RBFOX1: variants seen among roughly 807,000 people sequenced by gnomAD.
RBFOX1 encodes RNA binding fox-1 homolog 1.
Under a neutral mutation model 57.7 loss-of-function variants are expected in RBFOX1, and 8 were observed. The observed-to-expected ratio is 0.14, with a 90% CI of 0.08 to 0.25. The LOEUF (loss-of-function observed/expected upper bound fraction) is 0.25. Ranked by LOEUF, RBFOX1 falls within the 10% of genes least tolerant of loss-of-function variation. The pLI, the probability that RBFOX1 is intolerant of heterozygous loss-of-function variation, is 1.00. For missense variants in RBFOX1, 611 were observed against 548.5 expected, an observed-to-expected ratio of 1.11 and a Z score of -1.14; for synonymous variants, 326 against 222.4, an observed-to-expected ratio of 1.47 and a Z score of -4.15.
chr16:7,255,786 A>G (rs1483531528), intron 4 of RBFOX1, among the ~76,000 whole-genome samples: 1 of 152,208 alleles, frequency 6.6e-6, no homozygotes, highest in Non-Finnish European at 1.5e-5. Flanking sequence ...TTAACAATAT[A>G]TTTTACATTT....
chr16:6,250,643 G>T (rs1013724685), intron 1 of RBFOX1, among the ~76,000 whole-genome samples: 23 of 152,140 alleles, frequency 1.5e-4, no homozygotes, highest in African/African-American at 5.5e-4. Flanking sequence ...GGTCATCCCT[G>T]TTTAGATTGG....
chr16:6,780,874 C>T (rs1272854586), intron 3 of RBFOX1, among the ~76,000 whole-genome samples: 1 of 151,936 alleles, frequency 6.6e-6, no homozygotes, highest in Non-Finnish European at 1.5e-5. Context: ...GTTTGAGCTC[C>T]TCACATGTTC....
intron 3 of RBFOX1, among the ~76,000 whole-genome samples, chr16:6,791,740 GA>G (rs1254986537): frequency 1.3e-5 from 2 of 152,184 alleles, no homozygotes; most frequent in Non-Finnish European, 2.9e-5. Flanking sequence ...CAGCCTGGGG[GA>G]AAGAGTGAGA....
intron 1 of RBFOX1, among the ~76,000 whole-genome samples, chr16:5,249,592 G>A (rs1033305884): frequency 6.6e-6 from 1 of 152,226 alleles, no homozygotes; most frequent in Non-Finnish European, 1.5e-5. Flanking sequence ...AGCTGAGAGG[G>A]TCTATGTGGT....
chr16:7,629,767 G>A (rs901241989), intron 10 of RBFOX1, among the ~76,000 whole-genome samples: 3 of 152,202 alleles, frequency 2.0e-5, no homozygotes, highest in Non-Finnish European at 4.4e-5. Flanking sequence ...TTGCAAGGAT[G>A]AACCCAGTGC....
At chr16:5,689,487 A>G (rs1473265254) in intron 3 of RBFOX1, among the ~76,000 whole-genome samples, 1 of 152,172 alleles carries the variant, frequency 6.6e-6, no homozygotes, top group Non-Finnish European at 1.5e-5. Context: ...GTGGAATCCT[A>G]AAGAAAGATT....
At chr16:6,483,821 T>C in intron 2 of RBFOX1, 1 of 1,345,886 alleles carries the variant, frequency 7.4e-7, no homozygotes, top group Non-Finnish European at 9.6e-7. Flanking sequence ...GGGCTGCTGA[T>C]TAGAATAGGG....
chr16:7,023,374 T>G (rs1318013345), intron 3 of RBFOX1, among the ~76,000 whole-genome samples: 3 of 150,834 alleles, frequency 2.0e-5, no homozygotes, highest in African/African-American at 7.3e-5. Context: ...ACAGGAGAAT[T>G]GCTTGAACCC....
chr16:7,162,991 C>T (rs1343283607), intron 4 of RBFOX1, among the ~76,000 whole-genome samples: 3 of 152,136 alleles, frequency 2.0e-5, no homozygotes, highest in Admixed American at 2.0e-4. Flanking sequence ...CTCCACGATC[C>T]TGTTACATTG....
chr16:7,692,506 G>A (rs575663071), intron 14 of RBFOX1, among the ~76,000 whole-genome samples: 12 of 152,166 alleles, frequency 7.9e-5, no homozygotes, highest in Admixed American at 3.9e-4. Flanking sequence ...AAATCTAACC[G>A]ATGAAAACCC....
intron 3 of RBFOX1, among the ~76,000 whole-genome samples, chr16:6,815,032 C>G (rs533818184): frequency 3.3e-5 from 5 of 152,262 alleles, no homozygotes; most frequent in South Asian, 2.1e-4. Flanking sequence ...ATATGCTAAA[C>G]AAGGGATGGA....
intron 4 of RBFOX1, among the ~76,000 whole-genome samples, chr16:7,480,478 G>C (rs28539313): frequency 1.5e-3 from 223 of 152,292 alleles, no homozygotes; most frequent in African/African-American, 5.0e-3. Context: ...ATGTGTAATA[G>C]AATTATTAGT....
intron 5 of RBFOX1, among the ~76,000 whole-genome samples, chr16:7,578,337 G>A (rs1318116247): frequency 6.6e-6 from 1 of 152,150 alleles, no homozygotes; most frequent in Non-Finnish European, 1.5e-5. Flanking sequence ...CTAAATACAT[G>A]ACTTGCACTT....
At position 7,683,010 on chromosome 16, in the gene RBFOX1, G is replaced by GTATA. The variant is rs1163076567; in HGVS notation, c.995+6193_995+6196dup. ...TTAATACTTCTATGTGTGTGTGTGT[G>GTATA]TATATATATATATATATATATATAA... On this transcript the variant is annotated intron_variant, in intron 14 of 15. Transcript: ENST00000550418. Among the ~76,000 whole-genome samples, 19 of 4,902 alleles carry GTATA rather than the reference G, an allele frequency of 3.9e-3. 6 individuals carry two copies. In the East Asian group the frequency reaches 0.096, roughly 25 times the overall value. The allele number at this position is 4,902 out of a possible 152,430, so 3.2% of individuals were successfully genotyped here.
chr16:7,309,977 C>G (rs2096272442), intron 4 of RBFOX1, among the ~76,000 whole-genome samples: 1 of 152,154 alleles, frequency 6.6e-6, no homozygotes, highest in Admixed American at 6.5e-5. Flanking sequence ...ATAAAGTTTC[C>G]TATTGCCGGG....
chr16:6,943,138 A>C (rs2078853642), intron 3 of RBFOX1, among the ~76,000 whole-genome samples: 1 of 152,150 alleles, frequency 6.6e-6, no homozygotes, highest in Admixed American at 6.5e-5. Flanking sequence ...CTGCTGTAAT[A>C]CTGGCTTGCT....
intron 4 of RBFOX1, among the ~76,000 whole-genome samples, chr16:7,096,321 A>G (rs2061687450): frequency 6.6e-6 from 1 of 152,202 alleles, no homozygotes; most frequent in South Asian, 2.1e-4. Context: ...AGTCAGAACC[A>G]GGTGGATGCA....
At position 7,632,291 on chromosome 16, in the gene RBFOX1, T is replaced by C. The variant is rs375214417; in HGVS notation, c.757+1608T>C. Among the ~76,000 whole-genome samples the C allele has an allele frequency of 7.9e-4, 121 of 152,276 alleles. 3 individuals are homozygous for C. The South Asian group carries it at 0.024, about 31-fold the overall frequency. Reference sequence around the variant, plus strand: ...TGCCTCCCAAGAAGCCCAAATCTAATCATATTGGCAAGAAGTGGTTCTTTC... The same window carrying C: ...TGCCTCCCAAGAAGCCCAAATCTAACCATATTGGCAAGAAGTGGTTCTTTC... On this transcript the variant is annotated intron_variant, in intron 11 of 15. Coordinates refer to ENST00000550418, the MANE Select transcript of RBFOX1 (RefSeq NM_018723.4).
intron 3 of RBFOX1, among the ~76,000 whole-genome samples, chr16:6,865,817 A>G (rs2059814819): frequency 6.6e-6 from 1 of 152,082 alleles, no homozygotes; most frequent in South Asian, 2.1e-4. Context: ...CACACGGAGA[A>G]TTTTCAGGTA....
Sources: gnomAD v4.1 joint callset for allele counts (sites outside exome capture counted in the v4.1 genomes callset) on GRCh38, gnomAD v4.1.1 for gene constraint, MANE v1.5 for transcripts, NCBI Gene and HGNC (gene_info 2026-07-23, HGNC 2026-07-21) for gene names.